The following RARRES1 variants were observed in gnomAD, a reference collection of about 807,000 sequenced individuals.
RARRES1 encodes retinoic acid receptor responder protein 1.
RARRES1 carries 34 observed loss-of-function variants against 30.6 expected under a neutral mutation model. The observed-to-expected ratio is 1.11, with a 90% CI of 0.84 to 1.48. RARRES1 has a LOEUF of 1.48. RARRES1 is among the 40% of genes most tolerant of loss of function. The pLI is 0.00. For synonymous variants in RARRES1, 153 were observed against 155.5 expected, an observed-to-expected ratio of 0.98 and a Z score of 0.12; for missense variants, 373 against 386.5, an observed-to-expected ratio of 0.97 and a Z score of 0.29.
intron 3 of RARRES1, among the ~76,000 whole-genome samples, chr3:158,709,872 G>A (rs537214338): frequency 2.5e-4 from 38 of 152,338 alleles, no homozygotes; most frequent in African/African-American, 8.9e-4. Context: ...CCCTTCAGCT[G>A]AGTCACTTCA....
At chr3:158,730,367 CCTTCCTTCCTT>C (rs1727837005) in intron 1 of RARRES1, among the ~76,000 whole-genome samples, 1 of 46,764 alleles carries the variant, frequency 2.1e-5, no homozygotes, top group East Asian at 3.1e-4. Context: ...ATAGGTTGCT[CCTTCCTTCCTT>C]CCTTCCTTCC....
intron 1 of RARRES1, among the ~76,000 whole-genome samples, chr3:158,730,770 T>C (rs1727858294): frequency 7.0e-6 from 1 of 142,046 alleles, no homozygotes; most frequent in African/African-American, 2.6e-5. Context: ...TTTTTCTTTA[T>C]TATTTTATTT....
intron 1 of RARRES1, among the ~76,000 whole-genome samples, chr3:158,729,298 C>T (rs1727794571): frequency 6.6e-6 from 1 of 151,146 alleles, no homozygotes; most frequent in African/African-American, 2.4e-5. Context: ...TGCATCCTCA[C>T]TGGAGCAATG....
In RARRES1 at chr3:158,697,172, A is replaced by G. The variant is rs1726572048; in HGVS notation, c.*506T>C. 1 of 152,280 alleles carries G rather than the reference A, an allele frequency of 6.6e-6. No homozygotes were observed. Among genetic ancestry groups the G allele is most frequent in the African/African-American group, 2.4e-5 (1 of 41,462 alleles). The allele number at this position is 152,280 out of a possible 1,614,324, so 9.4% of individuals were successfully genotyped here. A position where few individuals can be genotyped will look rare whatever the true frequency, so the allele number is the denominator to read the frequency against. On this transcript the variant is annotated 3_prime_UTR_variant, in exon 6 of 6. Transcript: ENST00000237696. ...AAGTTAAAAATGAATACTTGCCTGA[A>G]ATCATAAAACATAATCAAGTTCTTT...
intron 1 of RARRES1, 70 bp downstream of exon 1, chr3:158,732,070 C>A (rs1473685607): frequency 2.4e-6 from 3 of 1,256,052 alleles, no homozygotes; most frequent in East Asian, 3.2e-5. Context: ...GCGCGCGTAC[C>A]CAGGTGTCAC....
At chr3:158,726,329 C>T (rs146573897) in intron 1 of RARRES1, among the ~76,000 whole-genome samples, 58 of 152,274 alleles carry the variant, frequency 3.8e-4, no homozygotes, top group African/African-American at 1.2e-3. Context: ...TGAGAAATCA[C>T]AAAGGAATAA....
intron 1 of RARRES1, 150 bp downstream of exon 1, chr3:158,731,990 C>CA (rs1727905268): frequency 1.2e-6 from 1 of 817,870 alleles, no homozygotes; most frequent in Non-Finnish European, 1.7e-6. Flanking sequence ...GGGCGCCAGG[C>CA]CCAGCTGGGA....
At position 158,697,834 on chromosome 3, in the gene RARRES1, A is replaced by T. The variant is rs1438314865; in HGVS notation, c.736-7T>A. On this transcript the variant is annotated splice_region_variant and splice_polypyrimidine_tract_variant and intron_variant, in intron 5 of 5. Transcript: ENST00000237696. ...TGCGACAGGGAATTATTTCCTAGGA[A>T]ATAGAGTTATAAAATATTATAATCT... The T allele has an allele frequency of 6.2e-7, 1 of 1,606,056 alleles. No individual in the cohort carries two copies. Among genetic ancestry groups the T allele is most frequent in the Non-Finnish European group, 8.5e-7 (1 of 1,174,332 alleles).
intron 3 of RARRES1, 136 bp downstream of exon 3, chr3:158,710,602 A>T: frequency 1.2e-6 from 1 of 818,600 alleles, no homozygotes; most frequent in Non-Finnish European, 1.9e-6. Context: ...AGTTTTGTTT[A>T]AATTATGAGG....
At chr3:158,709,222 TAC>T (rs1727032381) in intron 3 of RARRES1, among the ~76,000 whole-genome samples, 1 of 152,206 alleles carries the variant, frequency 6.6e-6, no homozygotes. Context: ...TAACTAAACA[TAC>T]AGTTAGCCTG....
chr3:158,726,580 G>A (rs114174461), intron 1 of RARRES1, among the ~76,000 whole-genome samples: 1,708 of 152,306 alleles, frequency 0.011, 49 homozygotes, highest in African/African-American at 0.039. Flanking sequence ...GGTGAAGAGC[G>A]GGTACAAACA....
chr3:158,700,894 C>T (rs1247507291), intron 4 of RARRES1, among the ~76,000 whole-genome samples: 1 of 152,112 alleles, frequency 6.6e-6, no homozygotes, highest in Admixed American at 6.5e-5. Flanking sequence ...CCCCATGCCC[C>T]TCCACCCTGC....
chr3:158,730,270 A>C (rs1317150079), intron 1 of RARRES1, among the ~76,000 whole-genome samples: 2 of 146,606 alleles, frequency 1.4e-5, no homozygotes, highest in Non-Finnish European at 3.0e-5. Flanking sequence ...CAGTAAGCCG[A>C]GATCGCAGCG....
At chr3:158,720,204 A>G (rs1451161937) in intron 1 of RARRES1, among the ~76,000 whole-genome samples, 2 of 150,676 alleles carry the variant, frequency 1.3e-5, no homozygotes, top group African/African-American at 4.9e-5. Context: ...CAACCTCTCT[A>G]AGAAAAGGAA....
intron 3 of RARRES1, among the ~76,000 whole-genome samples, chr3:158,707,663 A>G (rs1726971386): frequency 6.6e-6 from 1 of 152,210 alleles, no homozygotes; most frequent in African/African-American, 2.4e-5. Context: ...TGGGCCTTGA[A>G]AAAATGGAAA....
rs1404640944 is a variant in RARRES1, at chr3:158,697,668, T to C, written c.*10A>G. ...TTGTTTAGAAGTCGGAAAAAGATCATTTTTTCTTTTTAGAAATTACTAAGC... is the reference window on the plus strand; with the variant it reads ...TTGTTTAGAAGTCGGAAAAAGATCACTTTTTCTTTTTAGAAATTACTAAGC... On this transcript the variant is annotated 3_prime_UTR_variant, in exon 6 of 6. Coordinates refer to ENST00000237696, the MANE Select transcript of RARRES1 (RefSeq NM_206963.2). 3 of 1,600,852 alleles carry C rather than the reference T, an allele frequency of 1.9e-6. No individual in the cohort carries two copies. Among genetic ancestry groups the C allele is most frequent in the South Asian group, 2.2e-5 (2 of 89,192 alleles).
chr3:158,719,303 ACT>A (rs1727423565), intron 1 of RARRES1, among the ~76,000 whole-genome samples: 4 of 134,478 alleles, frequency 3.0e-5, no homozygotes, highest in African/African-American at 1.1e-4. Context: ...ACAGAGTCTC[ACT>A]CTGTCACCCA....
intron 2 of RARRES1, among the ~76,000 whole-genome samples, chr3:158,712,307 C>T (rs1727160942): frequency 6.6e-6 from 1 of 152,206 alleles, no homozygotes. Context: ...TCTCTCTGCG[C>T]TTGAGCCCAG....
At chr3:158,727,304 G>A (rs1727726195) in intron 1 of RARRES1, among the ~76,000 whole-genome samples, 1 of 152,144 alleles carries the variant, frequency 6.6e-6, no homozygotes, top group Admixed American at 6.5e-5. Context: ...ATTAAGATAT[G>A]GGCATAGCTC....
Sources: gnomAD v4.1 joint callset for allele counts (sites outside exome capture counted in the v4.1 genomes callset) on GRCh38, gnomAD v4.1.1 for gene constraint, MANE v1.5 for transcripts, NCBI Gene and HGNC (gene_info 2026-07-23, HGNC 2026-07-21) for gene names.